Variants in PNLIPRP1 observed in about 807,000 individuals in gnomAD.
The protein encoded by PNLIPRP1 is inactive pancreatic lipase-related protein 1.
A neutral mutation model predicts 54.6 loss-of-function variants in PNLIPRP1; 57 were observed. That is an observed-to-expected ratio of 1.04 (90% CI 0.84 to 1.30). PNLIPRP1 has a LOEUF of 1.30. Ranked by LOEUF, PNLIPRP1 falls within the 50% of genes most tolerant of loss-of-function variation. PNLIPRP1 has a pLI of 0.00. For synonymous variants in PNLIPRP1, 232 were observed against 208.8 expected, an observed-to-expected ratio of 1.11 and a Z score of -0.96; for missense variants, 567 against 568.5, an observed-to-expected ratio of 1.00 and a Z score of 0.03.
At chr10:116,600,253 A>G in intron 9 of PNLIPRP1, 88 bp downstream of exon 9, 1 of 840,292 alleles carries the variant, frequency 1.2e-6, no homozygotes, top group Non-Finnish European at 2.0e-6. Flanking sequence ...ATGCCTTCTC[A>G]CTACACGTTT....
At chr10:116,596,377 T>C in intron 6 of PNLIPRP1, 55 bp downstream of exon 6, 3 of 1,075,828 alleles carry the variant, frequency 2.8e-6, no homozygotes, top group Non-Finnish European at 4.3e-6. Flanking sequence ...CAGAATGAGG[T>C]CTCAAGAATG....
intron 8 of PNLIPRP1, among the ~76,000 whole-genome samples, chr10:116,599,445 A>G (rs1479638559): frequency 2.0e-5 from 3 of 152,178 alleles, no homozygotes; most frequent in African/African-American, 7.2e-5. Flanking sequence ...GTCACTTGGC[A>G]GGAGTTGCAG....
rs782529898 is a variant in PNLIPRP1 at position 116,604,164 on chromosome 10, C to T, written c.1172+26C>T. 18 of 1,249,620 alleles carry T rather than the reference C, an allele frequency of 1.4e-5. No individual in the cohort carries two copies. The African/African-American group carries it at 2.6e-4, about 18-fold the overall frequency. The allele number at this position is 1,249,620 out of a possible 1,614,324, so 77.4% of individuals were successfully genotyped here. On this transcript the variant is annotated intron_variant, in intron 11 of 12. Transcript: ENST00000358834. ...GTAATTTCCTATTTTAACACTACGT[C>T]TCATTTGATGATATACACAGCCTTC...
chr10:116,592,285 G>A lies in PNLIPRP1; in HGVS notation c.205-131G>A, dbSNP rs189188713. ...GGGCAAGAAAAGGGAGATCAGGGTG[G>A]GCTTCATGGAAGAAGTGGCTTTTTG... On this transcript the variant is annotated intron_variant, in intron 3 of 12. Coordinates refer to ENST00000358834, the MANE Select transcript of PNLIPRP1 (RefSeq NM_006229.4). 541 of 970,474 alleles carry A rather than the reference G, an allele frequency of 5.6e-4. 3 individuals are homozygous for A. In the East Asian group the frequency reaches 7.1e-3, roughly 13 times the overall value. 60.1% of individuals were successfully genotyped at this position (970,474 alleles called of 1,614,324 possible).
intron 8 of PNLIPRP1, 74 bp downstream of exon 8, chr10:116,598,240 C>G: frequency 7.4e-7 from 1 of 1,349,880 alleles, no homozygotes; most frequent in Non-Finnish European, 1.0e-6. Context: ...TGCAGCAAAT[C>G]TTAAGAATAA....
At chr10:116,596,503 C>T (rs138391638) in intron 6 of PNLIPRP1, among the ~76,000 whole-genome samples, 181 bp downstream of exon 6, 441 of 152,292 alleles carry the variant, frequency 2.9e-3, no homozygotes, top group Admixed American at 3.7e-3. Context: ...GCCACCTTCA[C>T]GGCAAGGGAA....
chr10:116,596,437 T>C (rs566771210), intron 6 of PNLIPRP1, 115 bp downstream of exon 6: 51 of 675,046 alleles, frequency 7.6e-5, no homozygotes, highest in East Asian at 5.2e-4. Flanking sequence ...TTGGCTGTGA[T>C]AGAGCTGCTT....
intron 12 of PNLIPRP1, among the ~76,000 whole-genome samples, chr10:116,607,992 A>G (rs368838778): frequency 1.3e-5 from 2 of 152,084 alleles, no homozygotes; most frequent in East Asian, 3.9e-4. Flanking sequence ...AGTAGCTGGG[A>G]TTACAGGCAT....
At chr10:116,597,393 T>G (rs1391778182) in intron 6 of PNLIPRP1, among the ~76,000 whole-genome samples, 1 of 152,266 alleles carries the variant, frequency 6.6e-6, no homozygotes, top group East Asian at 1.9e-4. Flanking sequence ...CTCAAGGTCA[T>G]GCATCTTGCC....
intron 6 of PNLIPRP1, among the ~76,000 whole-genome samples, chr10:116,597,567 G>GA (rs1237713890): frequency 6.6e-6 from 1 of 152,150 alleles, no homozygotes; most frequent in Non-Finnish European, 1.5e-5. Flanking sequence ...CTCTGGTGTG[G>GA]AAAAAATCCT....
chr10:116,599,970 C>A, intron 8 of PNLIPRP1, 77 bp from the exon 9 acceptor site: 1 of 873,248 alleles, frequency 1.1e-6, no homozygotes, highest in Non-Finnish European at 1.9e-6. Context: ...TTGGAACCAT[C>A]CCATTTGGAG....
rs550885992 is a variant in PNLIPRP1 at position 116,601,807 on chromosome 10, C to T, written c.1063+606C>T. On this transcript the variant is annotated intron_variant, in intron 10 of 12. Coordinates refer to ENST00000358834, the MANE Select transcript of PNLIPRP1 (RefSeq NM_006229.4). The stretch of plus-strand genomic sequence containing the variant: ...CCCATGACACTTCCATAGGAGGTGA[C>T]CCAGTAAAGACAGAGGTTACATATT... Among the ~76,000 whole-genome samples, 12 of 152,248 alleles carry T rather than the reference C, an allele frequency of 7.9e-5. No individual in the cohort carries two copies. The East Asian group carries it at 2.3e-3, about 29-fold the overall frequency.
At chr10:116,603,579 T>C (rs1455044742) in intron 10 of PNLIPRP1, among the ~76,000 whole-genome samples, 1 of 152,226 alleles carries the variant, frequency 6.6e-6, no homozygotes, top group African/African-American at 2.4e-5. Context: ...TTGTTTGATT[T>C]GTAGATTAAC....
At chr10:116,605,071 C>T (rs1554865408) in intron 11 of PNLIPRP1, among the ~76,000 whole-genome samples, 1 of 152,114 alleles carries the variant, frequency 6.6e-6, no homozygotes, top group Non-Finnish European at 1.5e-5. Flanking sequence ...AGTGCAATAA[C>T]ACATGCTTAT....
In PNLIPRP1 at chr10:116,608,986, A is replaced by C. The variant is rs12415585; in HGVS notation, c.1341-67A>C. On this transcript the variant is annotated intron_variant, in intron 12 of 12. Coordinates refer to ENST00000358834, the MANE Select transcript of PNLIPRP1 (RefSeq NM_006229.4). ...CCAAACCAAACCAAACCAAACCAAA[A>C]CAAAACAAAACACCTGGCTTTTGCT... The C allele has an allele frequency of 2.1e-3, 1,903 of 927,830 alleles. 3 individuals carry two copies. Among genetic ancestry groups the C allele is most frequent in the Non-Finnish European group, 2.5e-3 (1,531 of 622,680 alleles). The allele number at this position is 927,830 out of a possible 1,614,324, so 57.5% of individuals were successfully genotyped here.
chr10:116,607,638 A>G (rs1306777794), intron 12 of PNLIPRP1, among the ~76,000 whole-genome samples: 2 of 152,128 alleles, frequency 1.3e-5, no homozygotes, highest in Non-Finnish European at 2.9e-5. Flanking sequence ...GGCAGAAAAA[A>G]TGAAACACAG....
Position 116,604,582 on chromosome 10 carries a change from C to T in PNLIPRP1, c.1172+444C>T, listed in dbSNP as rs1434502487. ...AGAACATATCTCCATTGTTAAGCAA[C>T]GCAGGACTATATAACTTTATGTACT... On this transcript the variant is annotated intron_variant, in intron 11 of 12. Transcript: ENST00000358834. Among the ~76,000 whole-genome samples the T allele has an allele frequency of 2.0e-5, 3 of 151,846 alleles. No individual in the cohort carries two copies. The South Asian group carries it at 6.2e-4, about 32-fold the overall frequency.
chr10:116,609,164 G>C lies in PNLIPRP1; in HGVS notation c.*48G>C, dbSNP rs782172274. On this transcript the variant is annotated 3_prime_UTR_variant, in exon 13 of 13. Coordinates refer to ENST00000358834, the MANE Select transcript of PNLIPRP1 (RefSeq NM_006229.4). The stretch of plus-strand genomic sequence containing the variant: ...TGCGTTCACACTAATAAAATCCACT[G>C]GTGCATCTGTATGCTCTGGGTCTAT... 1.2e-5 allele frequency: 17 copies of C among 1,373,582 alleles called. No homozygotes were observed. The South Asian group carries it at 2.2e-4, about 17-fold the overall frequency. 85.1% of individuals were successfully genotyped at this position (1,373,582 alleles called of 1,614,324 possible). A position where few individuals can be genotyped will look rare whatever the true frequency, so the allele number is the denominator to read the frequency against.
At chr10:116,602,386 G>A (rs1241402627) in intron 10 of PNLIPRP1, among the ~76,000 whole-genome samples, 1 of 152,180 alleles carries the variant, frequency 6.6e-6, no homozygotes, top group Non-Finnish European at 1.5e-5. Flanking sequence ...TGTGATGCAT[G>A]AAATACTTGC....
Sources: allele counts gnomAD v4.1 joint callset (sites outside exome capture counted in the v4.1 genomes callset), GRCh38; gene constraint gnomAD v4.1.1; transcripts MANE v1.5; gene names NCBI Gene and HGNC (gene_info 2026-07-23, HGNC 2026-07-21).